CTNNA3: variants seen among roughly 807,000 people sequenced by gnomAD.
CTNNA3 encodes the protein catenin alpha 3.
In CTNNA3, 76 loss-of-function variants were observed where a neutral mutation model predicts 95.7. The ratio of observed to expected loss-of-function variants is 0.79; its 90% CI spans 0.66 to 0.96. The LOEUF (loss-of-function observed/expected upper bound fraction) is 0.96. CTNNA3 is among the 40% of genes least tolerant of loss of function. The pLI, the probability that CTNNA3 is intolerant of heterozygous loss-of-function variation, is 0.00. For synonymous variants in CTNNA3, 431 were observed against 374.4 expected (o/e 1.15, Z -1.74); for missense variants, 1,191 against 1,089.8 (o/e 1.09, Z -1.31).
chr10:67,713,748 A>T (rs1293480839), intron 1 of CTNNA3, among the ~76,000 whole-genome samples: 1 of 152,208 alleles, frequency 6.6e-6, no homozygotes, highest in Non-Finnish European at 1.5e-5. Flanking sequence ...AAATAGATGG[A>T]CATAGGGAAG....
Position 67,647,443 on chromosome 10 carries a change from T to A in CTNNA3, c.71A>T (p.Glu24Val). Residue 24 changes from glutamate (E) to valine (V), a missense_variant, in exon 2 of 18, where the codon GAG becomes GTG. Transcript: ENST00000433211. Reference protein sequence around the residue: ...QDLQVQTFTVEKLLEPLIIQV... With the variant: ...QDLQVQTFTVVKLLEPLIIQV... ...GATTATGAGAGGCTCCAGTAGCTTC[T>A]CCACGGTGAATGTTTGGACCTGCAG... The A allele has an allele frequency of 1.2e-6, 2 of 1,613,480 alleles. No individual in the cohort carries two copies. The highest frequency in any genetic ancestry group is 1.7e-6 in the Non-Finnish European group (2 of 1,179,560).
chr10:66,926,689 C>T, intron 7 of CTNNA3: 5 of 1,361,668 alleles, frequency 3.7e-6, no homozygotes, highest in South Asian at 1.2e-5. Flanking sequence ...GATTACCTTG[C>T]TCTGCTCTAA....
chr10:66,173,791 A>G (rs1223787237), intron 13 of CTNNA3, among the ~76,000 whole-genome samples: 1 of 152,154 alleles, frequency 6.6e-6, no homozygotes, highest in Non-Finnish European at 1.5e-5. Context: ...TTAATATTTA[A>G]ATAACCATAT....
At chr10:67,676,526 T>C (rs555487024) in intron 1 of CTNNA3, among the ~76,000 whole-genome samples, 3 of 152,260 alleles carry the variant, frequency 2.0e-5, no homozygotes, top group East Asian at 3.9e-4. Flanking sequence ...GAATCCAGTA[T>C]CTCTCTTGTC....
At chr10:66,513,010 G>A (rs1173190266) in intron 11 of CTNNA3, among the ~76,000 whole-genome samples, 1 of 151,780 alleles carries the variant, frequency 6.6e-6, no homozygotes, top group Non-Finnish European at 1.5e-5. Flanking sequence ...AATCGATTTG[G>A]GAACATTTGA....
At chr10:66,786,055 G>A (rs1220546272) in intron 7 of CTNNA3, among the ~76,000 whole-genome samples, 2 of 152,064 alleles carry the variant, frequency 1.3e-5, no homozygotes, top group East Asian at 1.9e-4. Context: ...CACAACTCCT[G>A]GCAGAAGTCT....
chr10:67,682,473 T>C (rs1170710350), intron 1 of CTNNA3, among the ~76,000 whole-genome samples: 1 of 152,270 alleles, frequency 6.6e-6, no homozygotes, highest in South Asian at 2.1e-4. Context: ...TAAAACAAGA[T>C]ATTATTTTCA....
intron 7 of CTNNA3, among the ~76,000 whole-genome samples, chr10:67,108,710 G>A (rs990858774): frequency 6.6e-6 from 1 of 152,088 alleles, no homozygotes; most frequent in Non-Finnish European, 1.5e-5. Flanking sequence ...CTGTCTACAG[G>A]CTCCACATCC....
chr10:67,570,882 CA>C (rs1841952978), intron 3 of CTNNA3, among the ~76,000 whole-genome samples: 1 of 152,068 alleles, frequency 6.6e-6, no homozygotes, highest in Non-Finnish European at 1.5e-5. Flanking sequence ...TGGAACTCCT[CA>C]AAGCTGGTTC....
intron 7 of CTNNA3, among the ~76,000 whole-genome samples, chr10:66,907,995 T>G (rs1846064361): frequency 6.6e-6 from 1 of 152,190 alleles, no homozygotes; most frequent in African/African-American, 2.4e-5. Flanking sequence ...CAGAAGACAT[T>G]ATCTTGGCTT....
In CTNNA3 at chr10:65,920,525, C is replaced by A. The variant is rs542014877; in HGVS notation, c.2493G>T (p.Lys831Asn). 6.2e-5 allele frequency: 100 copies of A among 1,614,100 alleles called. No individual in the cohort carries two copies. Among genetic ancestry groups the A allele is most frequent in the Non-Finnish European group, 7.9e-5 (93 of 1,180,032 alleles). Residue 831 changes from lysine (K) to asparagine (N), a missense_variant, in exon 18 of 18, where the codon AAG (lysine) becomes AAT (asparagine). Coordinates refer to ENST00000433211, the MANE Select transcript of CTNNA3 (RefSeq NM_013266.4). ...TVKMSYIAST[K>N]IIRIQSPAGP... ...CAGCAGGACTCTGGATTCGGATGAT[C>A]TTGGTTGAGGCAATGTAAGACATTT...
chr10:66,239,768 CAT>C (rs1304078710), intron 13 of CTNNA3, among the ~76,000 whole-genome samples: 1 of 151,788 alleles, frequency 6.6e-6, no homozygotes, highest in Non-Finnish European at 1.5e-5. Context: ...TGGGACAAGA[CAT>C]GTTGCTGTGG....
At chr10:67,404,243 T>C (rs1039246353) in intron 5 of CTNNA3, among the ~76,000 whole-genome samples, 1 of 151,848 alleles carries the variant, frequency 6.6e-6, no homozygotes, top group East Asian at 1.9e-4. Flanking sequence ...AATGTGGATC[T>C]AAAAAATGAA....
At chr10:66,443,142 T>C (rs1032828320) in intron 11 of CTNNA3, among the ~76,000 whole-genome samples, 1 of 151,972 alleles carries the variant, frequency 6.6e-6, no homozygotes, top group Admixed American at 6.5e-5. Context: ...CTTGATTAGG[T>C]AAACAAAGCA....
At chr10:66,353,093 G>GAT (rs1419632556) in intron 12 of CTNNA3, among the ~76,000 whole-genome samples, 2 of 151,934 alleles carry the variant, frequency 1.3e-5, no homozygotes, top group Non-Finnish European at 2.9e-5. Flanking sequence ...ATCTTTAAAT[G>GAT]ATATATATAT....
At chr10:66,212,999 G>A (rs765078101) in intron 13 of CTNNA3, among the ~76,000 whole-genome samples, 10 of 152,164 alleles carry the variant, frequency 6.6e-5, no homozygotes, top group Non-Finnish European at 1.2e-4. Flanking sequence ...CTAGGTGGTA[G>A]AGAGACTCTT....
chr10:67,420,015 C>T (rs1845692419), intron 5 of CTNNA3, among the ~76,000 whole-genome samples: 1 of 152,152 alleles, frequency 6.6e-6, no homozygotes, highest in African/African-American at 2.4e-5. Flanking sequence ...CCATGCCCAG[C>T]TAATTTTTGT....
chr10:66,025,239 T>C (rs1373620138), intron 15 of CTNNA3, among the ~76,000 whole-genome samples: 1 of 152,174 alleles, frequency 6.6e-6, no homozygotes, highest in Non-Finnish European at 1.5e-5. Context: ...GAGGACAAGG[T>C]CACAGATTTA....
rs977097501 is a variant in CTNNA3 at position 65,918,043 on chromosome 10, T to C, written c.*2287A>G. 2 of 152,148 alleles carry C rather than the reference T, an allele frequency of 1.3e-5. No homozygotes were observed. Among genetic ancestry groups the C allele is most frequent in the Non-Finnish European group, 2.9e-5 (2 of 68,018 alleles). 9.4% of individuals were successfully genotyped at this position (152,148 alleles called of 1,614,324 possible). A position where few individuals can be genotyped will look rare whatever the true frequency, so the allele number is the denominator to read the frequency against. On this transcript the variant is annotated 3_prime_UTR_variant, in exon 18 of 18. Transcript: ENST00000433211. Reference sequence around the variant, plus strand: ...GAGTTAAAATTTTTATTGTTTTATTTAATTATAGTTTGCTTTGAGCTAAGC... The same window carrying C: ...GAGTTAAAATTTTTATTGTTTTATTCAATTATAGTTTGCTTTGAGCTAAGC...
Sources: gnomAD v4.1 joint callset for allele counts (sites outside exome capture counted in the v4.1 genomes callset) on GRCh38, gnomAD v4.1.1 for gene constraint, MANE v1.5 for transcripts, NCBI Gene and HGNC (gene_info 2026-07-23, HGNC 2026-07-21) for gene names.